The following RASAL2 variants were observed in gnomAD, a reference collection of about 807,000 sequenced individuals.
RASAL2 encodes ras GTPase-activating protein nGAP.
RASAL2 carries 58 observed loss-of-function variants against 128.9 expected under a neutral mutation model. That is an observed-to-expected ratio of 0.45 (90% CI 0.36 to 0.56). The LOEUF is 0.56. RASAL2 is among the 20% of genes least tolerant of loss of function. RASAL2 has a pLI of 0.00. For missense variants in RASAL2, 1,360 were observed against 1,601.6 expected (o/e 0.85, Z 2.57); for synonymous variants, 561 against 580.8 (o/e 0.97, Z 0.49).
chr1:178,142,988 A>G (rs1660588307), intron 1 of RASAL2, among the ~76,000 whole-genome samples: 1 of 151,828 alleles, frequency 6.6e-6, no homozygotes, highest in Admixed American at 6.6e-5. Flanking sequence ...GCTTAGTGAT[A>G]AGGCAGGGGA....
At chr1:178,182,532 T>C (rs1662150414) in intron 1 of RASAL2, among the ~76,000 whole-genome samples, 1 of 152,208 alleles carries the variant, frequency 6.6e-6, no homozygotes, top group South Asian at 2.1e-4. Flanking sequence ...TGATAAGCAT[T>C]TCTGTATGTG....
intron 1 of RASAL2, among the ~76,000 whole-genome samples, chr1:178,215,566 G>A (rs965902145): frequency 1.3e-5 from 2 of 152,188 alleles, no homozygotes; most frequent in Non-Finnish European, 2.9e-5. Flanking sequence ...TTGTCTGTGT[G>A]ACTATAAAAG....
intron 9 of RASAL2, 117 bp downstream of exon 9, chr1:178,445,779 G>A: frequency 9.2e-7 from 1 of 1,083,328 alleles, no homozygotes; most frequent in South Asian, 1.7e-5. Context: ...AGCTGACTCA[G>A]GTGTTAAGGT....
At chr1:178,132,229 T>C (rs1433282059) in intron 1 of RASAL2, among the ~76,000 whole-genome samples, 1 of 151,908 alleles carries the variant, frequency 6.6e-6, no homozygotes, top group African/African-American at 2.4e-5. Flanking sequence ...TTAAATTTTT[T>C]TTTTTTTTGT....
intron 1 of RASAL2, among the ~76,000 whole-genome samples, chr1:178,162,504 T>TAA (rs1558088988): frequency 7.8e-6 from 1 of 128,866 alleles, no homozygotes. Flanking sequence ...ATATTTTATA[T>TAA]TATATATATT....
chr1:178,213,495 A>T (rs934521305), intron 1 of RASAL2, among the ~76,000 whole-genome samples: 1 of 152,226 alleles, frequency 6.6e-6, no homozygotes, highest in Admixed American at 6.5e-5. Context: ...GATACGATCA[A>T]ATGTTCATCA....
At chr1:178,439,306 C>T in intron 5 of RASAL2, 116 bp from the exon 6 acceptor site, 3 of 883,158 alleles carry the variant, frequency 3.4e-6, no homozygotes, top group Non-Finnish European at 5.0e-6. Context: ...TAATTTGTTC[C>T]TCATTTATTT....
chr1:178,146,882 G>T (rs1156587697), intron 1 of RASAL2, among the ~76,000 whole-genome samples: 1 of 152,228 alleles, frequency 6.6e-6, no homozygotes, highest in Admixed American at 6.5e-5. Flanking sequence ...CTCAGCAGGT[G>T]TATGTCAGGC....
intron 3 of RASAL2, among the ~76,000 whole-genome samples, chr1:178,300,340 G>A (rs967525953): frequency 6.6e-6 from 1 of 152,286 alleles, no homozygotes; most frequent in Middle Eastern, 3.4e-3. Context: ...GCACTAGTAA[G>A]GTTGCTGTTT....
intron 1 of RASAL2, among the ~76,000 whole-genome samples, chr1:178,164,838 TGTG>T (rs1478442043): frequency 1.3e-5 from 2 of 149,480 alleles, no homozygotes; most frequent in African/African-American, 5.0e-5. Context: ...TGTGTGTGTG[TGTG>T]TGTGTGTGTG....
chr1:178,429,649 G>A (rs1005414780), intron 5 of RASAL2, among the ~76,000 whole-genome samples: 3 of 152,004 alleles, frequency 2.0e-5, no homozygotes, highest in Non-Finnish European at 4.4e-5. Context: ...CTATAAATCT[G>A]TAATCTTTAG....
chr1:178,418,910 C>G (rs150818940), intron 4 of RASAL2, among the ~76,000 whole-genome samples: 124 of 152,316 alleles, frequency 8.1e-4, no homozygotes, highest in Admixed American at 1.8e-3. Flanking sequence ...CCCAGATAGC[C>G]TCCCTTAGCC....
intron 1 of RASAL2, among the ~76,000 whole-genome samples, chr1:178,108,491 A>G (rs1291727308): frequency 6.6e-6 from 1 of 152,202 alleles, no homozygotes; most frequent in African/African-American, 2.4e-5. Context: ...TTATAACTAC[A>G]CTATCAGGTA....
intron 3 of RASAL2, among the ~76,000 whole-genome samples, chr1:178,374,489 CTACT>C (rs1379648745): frequency 2.6e-5 from 4 of 152,064 alleles, no homozygotes; most frequent in Non-Finnish European, 4.4e-5. Context: ...TTAGGATCTA[CTACT>C]TACTTCTGTA....
intron 17 of RASAL2, among the ~76,000 whole-genome samples, chr1:178,469,426 T>G (rs1450909123): frequency 6.6e-6 from 1 of 152,092 alleles, no homozygotes; most frequent in Non-Finnish European, 1.5e-5. Context: ...AATTTTATAT[T>G]AGGGCTAGGT....
chr1:178,422,031 AG>A (rs1675176683), intron 5 of RASAL2, among the ~76,000 whole-genome samples: 1 of 152,102 alleles, frequency 6.6e-6, no homozygotes, highest in Non-Finnish European at 1.5e-5. Flanking sequence ...TCGATTCTTA[AG>A]AACAAAAATG....
At chr1:178,211,135 A>G (rs1357428157) in intron 1 of RASAL2, among the ~76,000 whole-genome samples, 1 of 151,874 alleles carries the variant, frequency 6.6e-6, no homozygotes, top group African/African-American at 2.4e-5. Flanking sequence ...TAGGTAACAA[A>G]AGCCCTCAAG....
At chr1:178,373,261 TTC>T (rs1671810100) in intron 3 of RASAL2, among the ~76,000 whole-genome samples, 1 of 143,256 alleles carries the variant, frequency 7.0e-6, no homozygotes, top group East Asian at 2.0e-4. Context: ...AATCTTAGCA[TTC>T]TGTTTCTTTC....
intron 3 of RASAL2, among the ~76,000 whole-genome samples, chr1:178,352,154 G>A (rs1422721612): frequency 1.3e-5 from 2 of 152,100 alleles, no homozygotes; most frequent in African/African-American, 2.4e-5. Flanking sequence ...GACATTTTTA[G>A]CAATCGAGAA....
Sources: allele counts gnomAD v4.1 joint callset (sites outside exome capture counted in the v4.1 genomes callset), GRCh38; gene constraint gnomAD v4.1.1; transcripts MANE v1.5; gene names NCBI Gene and HGNC (gene_info 2026-07-23, HGNC 2026-07-21).